The following PID1 variants were observed in gnomAD, a reference collection of about 807,000 sequenced individuals.
PID1 encodes the protein PTB-containing, cubilin and LRP1-interacting protein.
In PID1, 10 loss-of-function variants were observed where a neutral mutation model predicts 19.1. That is an observed-to-expected ratio of 0.52 (90% confidence interval 0.32 to 0.89). The LOEUF (loss-of-function observed/expected upper bound fraction) is 0.89, where lower values mean the gene tolerates loss of function less well. Ranked by LOEUF, PID1 falls within the 40% of genes least tolerant of loss-of-function variation. The probability of loss-of-function intolerance (pLI) is 0.03; values close to 1 mark genes in which losing one functional copy is unlikely to be tolerated. For synonymous variants in PID1, 130 were observed against 116.0 expected (o/e 1.12, Z -0.78); for missense variants, 248 against 285.3 (o/e 0.87, Z 0.94).
chr2:229,138,551 A>C (rs1395130487), intron 2 of PID1, among the ~76,000 whole-genome samples: 1 of 152,120 alleles, frequency 6.6e-6, no homozygotes, highest in Non-Finnish European at 1.5e-5. Context: ...ATGGTGTATA[A>C]TGTATATGTA....
intron 2 of PID1, among the ~76,000 whole-genome samples, chr2:229,111,346 A>G (rs1237862962): frequency 1.3e-5 from 2 of 152,208 alleles, no homozygotes; most frequent in African/African-American, 4.8e-5. Context: ...AAGAAGTTCC[A>G]AATAAAAGTA....
At chr2:229,173,327 T>C (rs1264705071) in intron 1 of PID1, among the ~76,000 whole-genome samples, 1 of 152,196 alleles carries the variant, frequency 6.6e-6, no homozygotes, top group African/African-American at 2.4e-5. Flanking sequence ...TTCGGGCTAC[T>C]CCCAGGCACA....
At chr2:229,033,385 G>A (rs1693595539) in intron 2 of PID1, among the ~76,000 whole-genome samples, 1 of 152,152 alleles carries the variant, frequency 6.6e-6, no homozygotes, top group Admixed American at 6.5e-5. Context: ...ACCTTCTAGA[G>A]GTCTCTCTTG....
intron 2 of PID1, among the ~76,000 whole-genome samples, chr2:229,046,803 G>C (rs998619582): frequency 6.6e-6 from 1 of 152,122 alleles, no homozygotes; most frequent in Admixed American, 6.5e-5. Flanking sequence ...ATACCATCTT[G>C]CTTTCAAAAT....
intron 2 of PID1, among the ~76,000 whole-genome samples, chr2:229,095,678 A>G (rs1353905488): frequency 1.3e-5 from 2 of 152,190 alleles, no homozygotes; most frequent in Non-Finnish European, 2.9e-5. Context: ...CTGTCAGCAT[A>G]TTGCACACAG....
intron 2 of PID1, among the ~76,000 whole-genome samples, chr2:229,132,824 T>G (rs920787976): frequency 2.0e-5 from 3 of 152,232 alleles, no homozygotes; most frequent in Non-Finnish European, 4.4e-5. Context: ...TTACAATGTA[T>G]GCACTGCACT....
At chr2:229,220,320 C>A (rs1378949159) in intron 1 of PID1, among the ~76,000 whole-genome samples, 1 of 152,176 alleles carries the variant, frequency 6.6e-6, no homozygotes, top group African/African-American at 2.4e-5. Flanking sequence ...TGGCAAGCAG[C>A]CAGGTGAGAG....
chr2:229,256,987 G>T (rs749277688), intron 1 of PID1, among the ~76,000 whole-genome samples: 5 of 152,286 alleles, frequency 3.3e-5, no homozygotes, highest in African/African-American at 4.8e-5. Context: ...AAAACCCATG[G>T]TCTTTCCACT....
intron 2 of PID1, among the ~76,000 whole-genome samples, chr2:229,113,990 C>T (rs1216704564): frequency 6.6e-6 from 1 of 152,054 alleles, no homozygotes; most frequent in East Asian, 1.9e-4. Flanking sequence ...CAGCTGAAGG[C>T]CTTAATAGAA....
At chr2:229,154,626 G>A (rs1043548004) in intron 2 of PID1, among the ~76,000 whole-genome samples, 42 of 152,136 alleles carry the variant, frequency 2.8e-4, no homozygotes, top group Non-Finnish European at 8.8e-5. Flanking sequence ...CAAGATCGCT[G>A]TAGACGCCAA....
chr2:229,189,956 T>C (rs915303202), intron 1 of PID1, among the ~76,000 whole-genome samples: 7 of 152,198 alleles, frequency 4.6e-5, no homozygotes, highest in Admixed American at 1.3e-4. Flanking sequence ...AAATTGCTAA[T>C]ATCGGTATCA....
rs1559230793 is a variant in PID1 at position 229,096,055 on chromosome 2, CAGAT to C, written c.177+59759_177+59762del. On this transcript the variant is annotated intron_variant, in intron 2 of 2. Coordinates refer to ENST00000392055, the MANE Select transcript of PID1 (RefSeq NM_001100818.2). ...TGTTGGAGAATAGTCATATAAGTAA[CAGAT>C]AGAGAAATGTCCACAGGCAAAGTCT... Among the ~76,000 whole-genome samples, 9 of 152,218 alleles carry C rather than the reference CAGAT, an allele frequency of 5.9e-5. No individual in the cohort carries two copies. In the South Asian group the frequency reaches 1.9e-3, roughly 32 times the overall value.
At chr2:229,255,494 G>A (rs1445430977) in intron 1 of PID1, among the ~76,000 whole-genome samples, 3 of 152,144 alleles carry the variant, frequency 2.0e-5, no homozygotes, top group Non-Finnish European at 4.4e-5. Context: ...TTCAGTTTGG[G>A]TTTTCTGAAA....
At chr2:229,131,283 T>A (rs767186561) in intron 2 of PID1, among the ~76,000 whole-genome samples, 7 of 151,820 alleles carry the variant, frequency 4.6e-5, no homozygotes, top group Non-Finnish European at 1.0e-4. Context: ...CAGGCTGGAG[T>A]GCAGTGTTGC....
At chr2:229,228,192 T>G in intron 1 of PID1, 2 of 362,518 alleles carry the variant, frequency 5.5e-6, no homozygotes, top group East Asian at 1.5e-4. Context: ...CAATTATTCA[T>G]CTCTACTTTT....
At chr2:229,191,625 A>G (rs16825836) in intron 1 of PID1, among the ~76,000 whole-genome samples, 3,843 of 152,328 alleles carry the variant, frequency 0.025, 134 homozygotes, top group African/African-American at 0.077. Context: ...TTCATTCATG[A>G]GATTATATTT....
At chr2:229,227,495 G>C (rs957266160) in intron 1 of PID1, among the ~76,000 whole-genome samples, 3 of 152,142 alleles carry the variant, frequency 2.0e-5, no homozygotes, top group Non-Finnish European at 2.9e-5. Context: ...GACCTTTCAG[G>C]GGTAGCAATT....
chr2:229,101,008 C>A (rs980781868), intron 2 of PID1, among the ~76,000 whole-genome samples: 3 of 152,126 alleles, frequency 2.0e-5, no homozygotes, highest in African/African-American at 7.2e-5. Flanking sequence ...TAGTCTGTTA[C>A]CCAAGAGACA....
chr2:229,226,956 C>G (rs758847469), intron 1 of PID1, among the ~76,000 whole-genome samples: 4 of 152,098 alleles, frequency 2.6e-5, no homozygotes, highest in African/African-American at 4.8e-5. Flanking sequence ...TAGTGTCAAA[C>G]TTTCACAACT....
Sources: allele counts gnomAD v4.1 joint callset (sites outside exome capture counted in the v4.1 genomes callset), GRCh38; gene constraint gnomAD v4.1.1; transcripts MANE v1.5; gene names NCBI Gene and HGNC (gene_info 2026-07-23, HGNC 2026-07-21).